CTIF: variants seen among roughly 807,000 people sequenced by gnomAD.
The protein encoded by CTIF is CBP80/20-dependent translation initiation factor.
Under a neutral mutation model 66.0 loss-of-function variants are expected in CTIF, and 21 were observed. The observed-to-expected ratio is 0.32, with a 90% confidence interval of 0.23 to 0.46. The LOEUF (loss-of-function observed/expected upper bound fraction) is 0.46. CTIF is among the 20% of genes least tolerant of loss of function. The pLI is 1.00. For synonymous variants in CTIF, 345 were observed against 326.4 expected (o/e 1.06, Z -0.62); for missense variants, 739 against 812.7 (o/e 0.91, Z 1.10).
At chr18:48,574,464 C>T (rs550212249) in intron 1 of CTIF, among the ~76,000 whole-genome samples, 2 of 152,296 alleles carry the variant, frequency 1.3e-5, no homozygotes, top group Non-Finnish European at 2.9e-5. Flanking sequence ...GCTCAGAGTT[C>T]TGCACTTTGG....
chr18:48,715,784 T>G (rs2092275960), intron 7 of CTIF, among the ~76,000 whole-genome samples: 2 of 152,192 alleles, frequency 1.3e-5, no homozygotes, highest in Admixed American at 1.3e-4. Context: ...GCCTTTGGTG[T>G]TGATACTGGT....
At chr18:48,612,683 A>G (rs2090328235) in intron 1 of CTIF, among the ~76,000 whole-genome samples, 1 of 152,186 alleles carries the variant, frequency 6.6e-6, no homozygotes, top group Non-Finnish European at 1.5e-5. Flanking sequence ...TGCCCACCAC[A>G]GCTCCGATGC....
chr18:48,843,064 T>C (rs1053987579), intron 10 of CTIF, among the ~76,000 whole-genome samples: 4 of 152,114 alleles, frequency 2.6e-5, no homozygotes, highest in African/African-American at 9.7e-5. Flanking sequence ...TTCAGAGACC[T>C]GTGAGCCTTT....
chr18:48,847,145 TA>T (rs2069098335), intron 10 of CTIF, among the ~76,000 whole-genome samples: 1 of 151,674 alleles, frequency 6.6e-6, no homozygotes, highest in African/African-American at 2.4e-5. Flanking sequence ...CCATCTCTAC[TA>T]AAAATACAAA....
chr18:48,721,675 A>C (rs965675761), intron 7 of CTIF, among the ~76,000 whole-genome samples: 2 of 152,140 alleles, frequency 1.3e-5, no homozygotes, highest in African/African-American at 4.8e-5. Context: ...ATGCCATTAG[A>C]TGCCATGTGA....
Position 48,738,935 on chromosome 18 carries a change from C to T in CTIF, c.585-18984C>T, listed in dbSNP as rs548614160. ...GCCTTTCAGCACCTCGCTTAGGGAC[C>T]TGCCCAGCTCCTTGGGCTACCTCCC... On this transcript the variant is annotated intron_variant, in intron 7 of 11. Coordinates refer to ENST00000256413, the MANE Select transcript of CTIF (RefSeq NM_014772.3). Among the ~76,000 whole-genome samples the T allele has an allele frequency of 1.4e-4, 21 of 152,326 alleles. No homozygotes were observed. In the Middle Eastern group the frequency reaches 0.01, roughly 74 times the overall value.
chr18:48,649,969 G>A (rs776458503), intron 3 of CTIF, among the ~76,000 whole-genome samples: 1 of 152,220 alleles, frequency 6.6e-6, no homozygotes, highest in Non-Finnish European at 1.5e-5. Flanking sequence ...AGCCCCATCT[G>A]TAGGTCACCA....
chr18:48,789,049 C>T (rs8084719), intron 9 of CTIF, among the ~76,000 whole-genome samples: 5 of 152,024 alleles, frequency 3.3e-5, no homozygotes, highest in Admixed American at 2.0e-4. Context: ...GGTGTGTGCA[C>T]GTAGGTCCCT....
chr18:48,585,096 G>C (rs1442815576), intron 1 of CTIF, among the ~76,000 whole-genome samples: 1 of 152,258 alleles, frequency 6.6e-6, no homozygotes. Flanking sequence ...GAGGCCTGCG[G>C]ATGGGGCAGA....
At chr18:48,635,803 A>G (rs2090810838) in intron 2 of CTIF, among the ~76,000 whole-genome samples, 1 of 152,202 alleles carries the variant, frequency 6.6e-6, no homozygotes, top group South Asian at 2.1e-4. Context: ...TTTATAGCTC[A>G]CAAAGGTCTT....
chr18:48,765,881 A>G (rs887401849), intron 9 of CTIF, among the ~76,000 whole-genome samples: 1 of 151,038 alleles, frequency 6.6e-6, no homozygotes, highest in African/African-American at 2.4e-5. Flanking sequence ...TGTCCTTGTA[A>G]GTAAAATTCT....
chr18:48,549,925 A>C (rs1217840137), intron 1 of CTIF, among the ~76,000 whole-genome samples: 2 of 151,560 alleles, frequency 1.3e-5, no homozygotes, highest in Non-Finnish European at 2.9e-5. Flanking sequence ...ATTGGGGGGG[A>C]GTTAGTGAAT....
intron 6 of CTIF, among the ~76,000 whole-genome samples, chr18:48,686,790 C>T (rs2091848512): frequency 6.6e-6 from 1 of 152,142 alleles, no homozygotes; most frequent in Non-Finnish European, 1.5e-5. Context: ...GCTTTGAGTC[C>T]TCGGAGATTT....
intron 7 of CTIF, among the ~76,000 whole-genome samples, chr18:48,741,286 C>G (rs984318357): frequency 1.9e-4 from 27 of 142,074 alleles, no homozygotes; most frequent in South Asian, 7.0e-4. Context: ...CCCCGCCCCC[C>G]CTCCTTGGTA....
chr18:48,670,560 T>C, intron 5 of CTIF, 109 bp from the exon 6 acceptor site: 1 of 945,144 alleles, frequency 1.1e-6, no homozygotes, highest in Non-Finnish European at 1.7e-6. Context: ...GGCTTGAGGG[T>C]GGGCAGCACC....
chr18:48,711,594 C>A (rs373191183), intron 6 of CTIF, 25 bp from the exon 7 acceptor site: 28 of 1,598,002 alleles, frequency 1.8e-5, no homozygotes, highest in Non-Finnish European at 2.1e-5. Context: ...TACTAATGAT[C>A]CCCCTTCCTC....
At position 48,636,673 on chromosome 18, in the gene CTIF, C is replaced by G; in HGVS notation, c.240C>G (p.Ala80=). ...DSSCSFSRGR[A]PPQQNGSKDN... Reference sequence around the variant, plus strand: ...GCTGTTCCTTCTCCCGAGGGCGAGCCCCCCCACAGCAGGTAGGGAACCAGC... The same window carrying G: ...GCTGTTCCTTCTCCCGAGGGCGAGCGCCCCCACAGCAGGTAGGGAACCAGC... The change falls in exon 3 of 12, where the codon GCC becomes GCG. Residue 80 remains alanine (A), a synonymous_variant. Coordinates refer to ENST00000256413, the MANE Select transcript of CTIF (RefSeq NM_014772.3). 6.3e-7 allele frequency: 1 copy of G among 1,599,068 alleles called. No homozygotes were observed. The highest frequency in any genetic ancestry group is 8.5e-7 in the Non-Finnish European group (1 of 1,174,004).
At chr18:48,580,281 C>A (rs573393409) in intron 1 of CTIF, among the ~76,000 whole-genome samples, 42 of 151,576 alleles carry the variant, frequency 2.8e-4, no homozygotes, top group African/African-American at 9.5e-4. Context: ...TGAGTGGGTC[C>A]CCTCAGGAGG....
At chr18:48,849,879 C>T (rs1052471822) in intron 10 of CTIF, among the ~76,000 whole-genome samples, 6 of 152,106 alleles carry the variant, frequency 3.9e-5, no homozygotes, top group South Asian at 2.1e-4. Context: ...CCACCGTGCC[C>T]GGCCCATTTT....
Sources: gnomAD v4.1 joint callset for allele counts (sites outside exome capture counted in the v4.1 genomes callset) on GRCh38, gnomAD v4.1.1 for gene constraint, MANE v1.5 for transcripts, NCBI Gene and HGNC (gene_info 2026-07-23, HGNC 2026-07-21) for gene names.